The following CARMIL1 variants were observed in gnomAD, a reference collection of about 807,000 sequenced individuals.
CARMIL1 encodes F-actin-uncapping protein LRRC16A.
In CARMIL1, 90 loss-of-function variants were observed where a neutral mutation model predicts 177.1. The ratio of observed to expected loss-of-function variants is 0.51; its 90% confidence interval spans 0.43 to 0.61. The LOEUF is 0.61. Among genes scored for constraint, CARMIL1 ranks in the 20% least tolerant of loss-of-function variants. The pLI is 0.00. For synonymous variants in CARMIL1, 577 were observed against 606.2 expected, an observed-to-expected ratio of 0.95 and a Z score of 0.71; for missense variants, 1,380 against 1,667.0, an observed-to-expected ratio of 0.83 and a Z score of 3.00.
rs191114631 is a variant in CARMIL1, at chr6:25,472,764, A to G, written c.874+243A>G. ...GAAGATATTATTTTTAATATGTTTTATTAGTTACATAGTCCTGCATAACAA... is the reference window on the plus strand; with the variant it reads ...GAAGATATTATTTTTAATATGTTTTGTTAGTTACATAGTCCTGCATAACAA... On this transcript the variant is annotated intron_variant, in intron 11 of 36. Transcript: ENST00000329474. The G allele has an allele frequency of 4.6e-4, 224 of 487,246 alleles. 1 individual carries two copies. Among genetic ancestry groups the G allele is most frequent in the African/African-American group, 3.9e-3 (203 of 51,530 alleles). 30.2% of individuals were successfully genotyped at this position (487,246 alleles called of 1,614,324 possible).
intron 8 of CARMIL1, among the ~76,000 whole-genome samples, chr6:25,459,277 T>TCTTTCTTTCTTCC (rs1450322009): frequency 7.2e-6 from 1 of 139,594 alleles, no homozygotes; most frequent in Non-Finnish European, 1.6e-5. Context: ...TTTTTTTTTT[T>TCTTTCTTTCTTCC]TTTAAGACAG....
intron 2 of CARMIL1, among the ~76,000 whole-genome samples, chr6:25,309,254 C>T (rs551971731): frequency 1.6e-4 from 24 of 151,328 alleles, no homozygotes; most frequent in African/African-American, 5.8e-4. Flanking sequence ...ATCTGTAATC[C>T]CAGCACTTGA....
At chr6:25,466,823 C>G (rs1562178008) in intron 9 of CARMIL1, among the ~76,000 whole-genome samples, 1 of 152,132 alleles carries the variant, frequency 6.6e-6, no homozygotes, top group Non-Finnish European at 1.5e-5. Flanking sequence ...ATGGACTAAA[C>G]TCATTTGGGG....
At chr6:25,611,569 C>T (rs748691349) in intron 36 of CARMIL1, among the ~76,000 whole-genome samples, 6 of 152,074 alleles carry the variant, frequency 3.9e-5, no homozygotes, top group Non-Finnish European at 7.3e-5. Context: ...GTTGAAAATG[C>T]CTGAAAGAGT....
At chr6:25,445,941 C>T (rs948619025) in intron 5 of CARMIL1, among the ~76,000 whole-genome samples, 3 of 152,126 alleles carry the variant, frequency 2.0e-5, no homozygotes, top group African/African-American at 7.2e-5. Context: ...TCTTGTGTGG[C>T]CAGGTGCATT....
chr6:25,581,527 C>G, intron 31 of CARMIL1, 88 bp downstream of exon 31: 1 of 1,222,048 alleles, frequency 8.2e-7, no homozygotes, highest in Non-Finnish European at 1.1e-6. Flanking sequence ...GTGCTTTGCA[C>G]AAACATGAAA....
intron 12 of CARMIL1, 135 bp from the exon 13 acceptor site, chr6:25,488,347 C>A: frequency 1.4e-6 from 1 of 715,316 alleles, no homozygotes; most frequent in South Asian, 1.6e-5. Context: ...AATCATAGCG[C>A]CACCTTTCAG....
chr6:25,281,854 C>T (rs1015130018), intron 1 of CARMIL1, among the ~76,000 whole-genome samples: 5 of 152,172 alleles, frequency 3.3e-5, no homozygotes, highest in East Asian at 1.9e-4. Context: ...GTGGCTCACC[C>T]CTGTAATCCT....
At chr6:25,428,872 AT>A (rs1438313653) in intron 4 of CARMIL1, among the ~76,000 whole-genome samples, 1 of 152,192 alleles carries the variant, frequency 6.6e-6, no homozygotes. Context: ...TATTGACCTT[AT>A]ATCCTGTAAC....
intron 32 of CARMIL1, among the ~76,000 whole-genome samples, chr6:25,597,422 T>C (rs1432451051): frequency 1.3e-5 from 2 of 152,228 alleles, no homozygotes; most frequent in Non-Finnish European, 2.9e-5. Context: ...GATCGTATAC[T>C]GTGATTACAT....
intron 2 of CARMIL1, among the ~76,000 whole-genome samples, chr6:25,306,534 A>G (rs571597593): frequency 6.6e-6 from 1 of 152,230 alleles, no homozygotes; most frequent in Non-Finnish European, 1.5e-5. Flanking sequence ...CTTCCAGGAA[A>G]CCAGTCCTTG....
chr6:25,434,815 G>T (rs1797094805), intron 4 of CARMIL1, among the ~76,000 whole-genome samples: 1 of 152,108 alleles, frequency 6.6e-6, no homozygotes, highest in African/African-American at 2.4e-5. Context: ...CTCCCAAAGT[G>T]CTGGGATTAC....
chr6:25,495,075 G>A, intron 15 of CARMIL1, 36 bp from the exon 16 acceptor site: 1 of 1,177,932 alleles, frequency 8.5e-7, no homozygotes, highest in South Asian at 1.2e-5. Flanking sequence ...TTTGATGAAG[G>A]TGTAACCGCT....
chr6:25,297,619 A>G (rs1376130543), intron 2 of CARMIL1, among the ~76,000 whole-genome samples: 2 of 152,202 alleles, frequency 1.3e-5, no homozygotes, highest in African/African-American at 4.8e-5. Context: ...AGGAAAGGCT[A>G]TTAGCACCTT....
chr6:25,609,616 A>G, intron 35 of CARMIL1, among the ~76,000 whole-genome samples: 1 of 152,162 alleles, frequency 6.6e-6, no homozygotes, highest in Middle Eastern at 3.2e-3. Context: ...ACATATATGC[A>G]TGCATGCATG....
intron 15 of CARMIL1, among the ~76,000 whole-genome samples, chr6:25,493,263 A>T (rs1803400245): frequency 6.6e-6 from 1 of 152,250 alleles, no homozygotes; most frequent in African/African-American, 2.4e-5. Context: ...CTTCCACATG[A>T]AAGGTTGTTA....
At chr6:25,600,214 A>T in intron 32 of CARMIL1, 100 bp from the exon 33 acceptor site, 1 of 1,089,858 alleles carries the variant, frequency 9.2e-7, no homozygotes, top group Non-Finnish European at 1.3e-6. Flanking sequence ...CTGAATGGTT[A>T]CTGTATATGT....
At chr6:25,592,278 A>C (rs960744639) in intron 31 of CARMIL1, among the ~76,000 whole-genome samples, 4 of 152,196 alleles carry the variant, frequency 2.6e-5, no homozygotes, top group African/African-American at 9.7e-5. Context: ...TGACATAATA[A>C]CGTGTAAAAC....
intron 2 of CARMIL1, among the ~76,000 whole-genome samples, chr6:25,323,622 A>G (rs895090970): frequency 6.6e-6 from 1 of 152,182 alleles, no homozygotes; most frequent in Non-Finnish European, 1.5e-5. Flanking sequence ...AGCTGTCCTT[A>G]AAGAATTTAT....
Sources: allele counts gnomAD v4.1 joint callset (sites outside exome capture counted in the v4.1 genomes callset), GRCh38; gene constraint gnomAD v4.1.1; transcripts MANE v1.5; gene names NCBI Gene and HGNC (gene_info 2026-07-23, HGNC 2026-07-21).